Variants in SEPTIN9 observed in about 807,000 individuals in gnomAD.
SEPTIN9 encodes septin-9.
SEPTIN9 carries 13 observed loss-of-function variants against 56.6 expected under a neutral mutation model. That is an observed-to-expected ratio of 0.23 (90% confidence interval 0.15 to 0.37). The LOEUF is 0.37. Among genes scored for constraint, SEPTIN9 ranks in the 10% least tolerant of loss-of-function variants. The pLI is 1.00. For missense variants in SEPTIN9, 650 were observed against 823.1 expected (o/e 0.79, Z 2.57); for synonymous variants, 332 against 334.1 (o/e 0.99, Z 0.07).
intron 1 of SEPTIN9, among the ~76,000 whole-genome samples, chr17:77,301,136 G>A (rs1410979598): frequency 1.3e-5 from 2 of 152,090 alleles, no homozygotes; most frequent in Admixed American, 6.6e-5. Context: ...GAGCCACAGG[G>A]AAACAAACGG....
chr17:77,420,871 G>A (rs1021147464), intron 3 of SEPTIN9, among the ~76,000 whole-genome samples: 7 of 152,190 alleles, frequency 4.6e-5, no homozygotes, highest in African/African-American at 1.4e-4. Context: ...ACTCTCAAAC[G>A]CTGGCTTTCA....
At chr17:77,431,634 G>A (rs1014316300) in intron 3 of SEPTIN9, among the ~76,000 whole-genome samples, 1 of 152,004 alleles carries the variant, frequency 6.6e-6, no homozygotes, top group Non-Finnish European at 1.5e-5. Flanking sequence ...TTTGAGACCA[G>A]CCTGGGCAAC....
chr17:77,391,190 G>A (rs2035528393), intron 2 of SEPTIN9, among the ~76,000 whole-genome samples: 1 of 152,174 alleles, frequency 6.6e-6, no homozygotes, highest in African/African-American at 2.4e-5. Context: ...GGCTAGAAGG[G>A]GCTTCAGAAT....
chr17:77,373,141 C>A, intron 2 of SEPTIN9: 1 of 1,000,176 alleles, frequency 1.0e-6, no homozygotes, highest in Non-Finnish European at 1.2e-6. Context: ...GGGGGGCGCT[C>A]CGGTCGTGTG....
chr17:77,404,732 G>A (rs1269091091), intron 3 of SEPTIN9, among the ~76,000 whole-genome samples: 2 of 152,132 alleles, frequency 1.3e-5, no homozygotes, highest in South Asian at 4.1e-4. Flanking sequence ...CCTACAGAGG[G>A]GGCATCGGAA....
At chr17:77,336,438 T>C (rs2033556739) in intron 2 of SEPTIN9, among the ~76,000 whole-genome samples, 1 of 152,212 alleles carries the variant, frequency 6.6e-6, no homozygotes, top group South Asian at 2.1e-4. Context: ...CAGAATTACA[T>C]TGTTTTGTAG....
intron 2 of SEPTIN9, among the ~76,000 whole-genome samples, chr17:77,372,465 G>A (rs1467570765): frequency 7.2e-5 from 11 of 152,178 alleles, no homozygotes; most frequent in Admixed American, 6.5e-4. Flanking sequence ...GGGCCCAGAA[G>A]GGAGGGAGAA....
intron 1 of SEPTIN9, among the ~76,000 whole-genome samples, chr17:77,292,988 G>GCATT (rs1344501497): frequency 1.2e-4 from 17 of 147,712 alleles, no homozygotes; most frequent in African/African-American, 1.5e-4. Context: ...AACCGCTTGA[G>GCATT]CATTTATTTA....
At chr17:77,382,670 T>C (rs1332876180) in intron 2 of SEPTIN9, among the ~76,000 whole-genome samples, 1 of 152,200 alleles carries the variant, frequency 6.6e-6, no homozygotes, top group Non-Finnish European at 1.5e-5. Context: ...ACCCTGGGCC[T>C]CCACCAGAAA....
At chr17:77,395,545 GAAC>G (rs1293991553) in intron 2 of SEPTIN9, among the ~76,000 whole-genome samples, 21 of 130,364 alleles carry the variant, frequency 1.6e-4, no homozygotes, top group African/African-American at 5.1e-4. Context: ...AAAAAAAAAA[GAAC>G]AATATCGATG....
chr17:77,498,188 G>C (rs997215049), intron 11 of SEPTIN9, among the ~76,000 whole-genome samples: 1 of 151,846 alleles, frequency 6.6e-6, no homozygotes, highest in South Asian at 2.1e-4. Flanking sequence ...GAGCAACAAT[G>C]CTCCAGCCCT....
chr17:77,454,287 G>A, intron 3 of SEPTIN9: 1 of 985,550 alleles, frequency 1.0e-6, no homozygotes, highest in Non-Finnish European at 1.2e-6. Context: ...CCTTGGCTGG[G>A]ACTCTAGTCC....
chr17:77,381,806 G>C (rs1038443052), intron 2 of SEPTIN9, among the ~76,000 whole-genome samples: 6 of 152,158 alleles, frequency 3.9e-5, no homozygotes, highest in African/African-American at 1.4e-4. Context: ...GGGGGTGGGA[G>C]AGGCAGTTGG....
intron 3 of SEPTIN9, among the ~76,000 whole-genome samples, chr17:77,411,479 C>G (rs996760492): frequency 1.3e-5 from 2 of 151,432 alleles, no homozygotes; most frequent in African/African-American, 2.4e-5. Context: ...ACTGTAACCT[C>G]CACCTTTCGC....
intron 3 of SEPTIN9, among the ~76,000 whole-genome samples, chr17:77,432,440 C>T (rs2037179966): frequency 6.6e-6 from 1 of 152,194 alleles, no homozygotes. Flanking sequence ...GCCGAGGCCC[C>T]GTCTGTGTCA....
In SEPTIN9 at chr17:77,476,392, C is replaced by T. The variant is rs1227253855; in HGVS notation, c.722-5752C>T. On this transcript the variant is annotated intron_variant, in intron 3 of 11. Coordinates refer to ENST00000427177, the MANE Select transcript of SEPTIN9 (RefSeq NM_001113491.2). This position sits in a 1 kb window ranked among gnomAD's most constrained non-coding sequence, Gnocchi z 6.0. ...GATATCCTACAGCCCCCGTCCCAGC[C>T]ACAGACAGCAATCTGATTCCCTCAT... 6.6e-6 allele frequency among the ~76,000 whole-genome samples: 1 copy of T among 152,324 alleles called. No individual in the cohort carries two copies. The highest frequency in any genetic ancestry group is 1.9e-4 in the East Asian group (1 of 5,174).
At position 77,449,260 on chromosome 17, in the gene SEPTIN9, A is replaced by C. The variant is rs1348774931; in HGVS notation, c.722-32884A>C. Among the ~76,000 whole-genome samples, 1 of 152,106 alleles carries C rather than the reference A, an allele frequency of 6.6e-6. No homozygotes were observed. The highest frequency in any genetic ancestry group is 1.5e-5 in the Non-Finnish European group (1 of 68,024). On this transcript the variant is annotated intron_variant, in intron 3 of 11. Transcript: ENST00000427177. The surrounding 1 kb of genome is among the most constrained non-coding windows in gnomAD (Gnocchi z 4.6). ...AACTTTGAGAAGTGCTGAAGGACAG[A>C]GGCTTTGTGTGGGGGATGCAGCCCC... is the stretch of plus-strand genomic sequence containing the variant.
intron 3 of SEPTIN9, among the ~76,000 whole-genome samples, chr17:77,418,914 C>T (rs1457827904): frequency 6.6e-6 from 1 of 152,130 alleles, no homozygotes; most frequent in Non-Finnish European, 1.5e-5. Context: ...CAGCAAGGGA[C>T]GGCTGTCATG....
chr17:77,472,307 C>T (rs1226632281), intron 3 of SEPTIN9, among the ~76,000 whole-genome samples: 1 of 152,184 alleles, frequency 6.6e-6, no homozygotes, highest in East Asian at 1.9e-4. Flanking sequence ...AGATTCCTTC[C>T]TCCACAATAG....
Sources: gnomAD v4.1 joint callset for allele counts (sites outside exome capture counted in the v4.1 genomes callset) on GRCh38, gnomAD v4.1.1 for gene constraint, Gnocchi (gnomAD v3.1) non-coding constraint, MANE v1.5 for transcripts, NCBI Gene and HGNC (gene_info 2026-07-23, HGNC 2026-07-21) for gene names.